The following TIMM17A variants were observed in gnomAD, a reference collection of about 807,000 sequenced individuals.
TIMM17A encodes the protein translocase of inner mitochondrial membrane 17A.
A neutral mutation model predicts 26.5 loss-of-function variants in TIMM17A; 15 were observed. The ratio of observed to expected loss-of-function variants is 0.57; its 90% CI spans 0.38 to 0.87. TIMM17A has a LOEUF of 0.87. TIMM17A is among the 40% of genes least tolerant of loss of function. The probability of loss-of-function intolerance (pLI) is 0.00; values close to 1 mark genes in which losing one functional copy is unlikely to be tolerated. For missense variants in TIMM17A, 201 were observed against 210.0 expected, an observed-to-expected ratio of 0.96 and a Z score of 0.27; for synonymous variants, 80 against 70.8, an observed-to-expected ratio of 1.13 and a Z score of -0.66.
intron 4 of TIMM17A, 50 bp from the exon 5 acceptor site, chr1:201,965,383 G>A (rs763056692): frequency 3.8e-6 from 5 of 1,309,008 alleles, no homozygotes; most frequent in South Asian, 2.4e-5. Context: ...ATCTCTTACA[G>A]TAAACTAGAT....
chr1:201,961,676 G>C (rs747450097), intron 3 of TIMM17A, among the ~76,000 whole-genome samples: 76 of 151,996 alleles, frequency 5.0e-4, no homozygotes, highest in Middle Eastern at 3.2e-3. Context: ...TAGAGAGAAT[G>C]CCTCTCTACA....
At chr1:201,957,682 G>C in intron 3 of TIMM17A, 108 bp downstream of exon 3, 3 of 928,346 alleles carry the variant, frequency 3.2e-6, no homozygotes, top group Non-Finnish European at 5.0e-6. Context: ...TTGGTCTAAC[G>C]GTTTGTCACA....
chr1:201,960,399 C>CAA (rs113195075), intron 3 of TIMM17A, among the ~76,000 whole-genome samples: 13 of 138,638 alleles, frequency 9.4e-5, no homozygotes, highest in African/African-American at 2.9e-4. Flanking sequence ...GACTCTGTCT[C>CAA]AAAAAAAAAA....
At chr1:201,963,852 A>G in intron 4 of TIMM17A, 108 bp downstream of exon 4, 1 of 1,226,148 alleles carries the variant, frequency 8.2e-7, no homozygotes, top group Non-Finnish European at 1.1e-6. Flanking sequence ...TTGACCAGGC[A>G]CATTGGCTCA....
rs1558252688 is a variant in TIMM17A, at chr1:201,969,522, T to C, written c.484T>C (p.Ser162Pro). Residue 162 changes from serine (S) to proline (P), a missense_variant, in exon 6 of 6, where the codon TCA (serine) becomes CCA (proline). Coordinates refer to ENST00000367287, the MANE Select transcript of TIMM17A (RefSeq NM_006335.3). Reference sequence around the variant, plus strand: ...GTTGCCTTCAACTCAGTTACCTTCCTCACCTTTTGGAGACTATCGACAATA... The same window carrying C: ...GTTGCCTTCAACTCAGTTACCTTCCCCACCTTTTGGAGACTATCGACAATA... ...SQLPSTQLPS[S>P]PFGDYRQYQ 1 of 1,614,080 alleles carries C rather than the reference T, an allele frequency of 6.2e-7. No individual in the cohort carries two copies.
chr1:201,959,977 G>A (rs979475270), intron 3 of TIMM17A, among the ~76,000 whole-genome samples: 1 of 151,306 alleles, frequency 6.6e-6, no homozygotes, highest in African/African-American at 2.4e-5. Flanking sequence ...CTCCAGCCAG[G>A]GTGACAGCGA....
intron 3 of TIMM17A, among the ~76,000 whole-genome samples, chr1:201,960,245 C>T (rs1412533019): frequency 1.3e-5 from 2 of 151,962 alleles, no homozygotes; most frequent in Non-Finnish European, 2.9e-5. Flanking sequence ...ACTAAAAATA[C>T]ACCAATTAGC....
At position 201,962,853 on chromosome 1, in the gene TIMM17A, T is replaced by C. The variant is rs1208820952; in HGVS notation, c.191-763T>C. On this transcript the variant is annotated intron_variant, in intron 3 of 5. Transcript: ENST00000367287. ...ACGTTCCAGAATAGCTGGATTTCTT[T>C]TGTTTTCCCATCGGTGATTTTCATA... is the stretch of plus-strand genomic sequence containing the variant. 2.0e-5 allele frequency: 3 copies of C among 152,234 alleles called. No homozygotes were observed. The East Asian group carries it at 5.8e-4, about 29-fold the overall frequency. The allele number at this position is 152,234 out of a possible 1,614,324, so 9.4% of individuals were successfully genotyped here.
At chr1:201,968,176 AT>A (rs1682670387) in intron 5 of TIMM17A, among the ~76,000 whole-genome samples, 3 of 147,598 alleles carry the variant, frequency 2.0e-5, no homozygotes, top group Middle Eastern at 3.4e-3. Flanking sequence ...TTTTTTTTGT[AT>A]TTTTTAGTAG....
chr1:201,958,753 C>T (rs968468673), intron 3 of TIMM17A, among the ~76,000 whole-genome samples: 1 of 152,162 alleles, frequency 6.6e-6, no homozygotes, highest in African/African-American at 2.4e-5. Flanking sequence ...GTATATAAGA[C>T]ATGAAAAAAT....
In TIMM17A at chr1:201,970,253, CA is replaced by C. The variant is rs1193858080; in HGVS notation, c.*701del. 1.3e-5 allele frequency: 2 copies of C among 152,174 alleles called. No homozygotes were observed. The highest frequency in any genetic ancestry group is 2.9e-5 in the Non-Finnish European group (2 of 68,046). The allele number at this position is 152,174 out of a possible 1,614,324, so 9.4% of individuals were successfully genotyped here. On this transcript the variant is annotated 3_prime_UTR_variant, in exon 6 of 6. Coordinates refer to ENST00000367287, the MANE Select transcript of TIMM17A (RefSeq NM_006335.3). ...AGAAACAACTTGCTTCCAATATACC[CA>C]ATTCTATATGAAGAATTCATGGAGA...
intron 3 of TIMM17A, among the ~76,000 whole-genome samples, chr1:201,960,675 A>C (rs1490630089): frequency 6.6e-6 from 1 of 152,102 alleles, no homozygotes; most frequent in Non-Finnish European, 1.5e-5. Context: ...TTTGGTGAGC[A>C]TTTGCTAAGG....
At chr1:201,964,635 C>CTTTTTTTTTTTATTTTTTTTTT (rs1682591151) in intron 4 of TIMM17A, among the ~76,000 whole-genome samples, 1 of 90,954 alleles carries the variant, frequency 1.1e-5, no homozygotes, top group African/African-American at 5.1e-5. Context: ...TATTTTATTT[C>CTTTTTTTTTTTATTTTTTTTTT]TTTTTTTTTT....
chr1:201,955,622 G>C, intron 1 of TIMM17A, 70 bp downstream of exon 1: 1 of 1,604,312 alleles, frequency 6.2e-7, no homozygotes. Context: ...CCTTGTCCAG[G>C]CTCCCAAGGT....
chr1:201,959,624 A>G (rs1558249832), intron 3 of TIMM17A, among the ~76,000 whole-genome samples: 2 of 152,302 alleles, frequency 1.3e-5, no homozygotes, highest in South Asian at 4.1e-4. Flanking sequence ...ATTGGACTCC[A>G]GCTTGGGTGA....
At position 201,955,525 on chromosome 1, in the gene TIMM17A, A is replaced by G; in HGVS notation, c.-2A>G. ...GGCATCACTCGCGGCATTGGAGTCA[A>G]GATGGAGGAGTACGCGCGAGAGCCT... On this transcript the variant is annotated 5_prime_UTR_variant, in exon 1 of 6. Transcript: ENST00000367287. The G allele has an allele frequency of 6.2e-7, 1 of 1,614,256 alleles. No individual in the cohort carries two copies. Among genetic ancestry groups the G allele is most frequent in the Non-Finnish European group, 8.5e-7 (1 of 1,180,056 alleles).
chr1:201,969,715 G>C lies in TIMM17A; in HGVS notation c.*161G>C. 1.9e-6 allele frequency: 1 copy of C among 536,216 alleles called. No homozygotes were observed. The highest frequency in any genetic ancestry group is 3.3e-6 in the Non-Finnish European group (1 of 301,902). The allele number at this position is 536,216 out of a possible 1,614,324, so 33.2% of individuals were successfully genotyped here. ...TTTTTTCTATTTAAAGGAACAAGCG[G>C]GGAAGGGTGCTAAAAGATAATACGT... On this transcript the variant is annotated 3_prime_UTR_variant, in exon 6 of 6. Coordinates refer to ENST00000367287, the MANE Select transcript of TIMM17A (RefSeq NM_006335.3).
At position 201,969,649 on chromosome 1, in the gene TIMM17A, G is replaced by A; in HGVS notation, c.*95G>A. 9.8e-7 allele frequency: 1 copy of A among 1,017,158 alleles called. No homozygotes were observed. The highest frequency in any genetic ancestry group is 1.5e-6 in the Non-Finnish European group (1 of 650,528). The allele number at this position is 1,017,158 out of a possible 1,614,324, so 63.0% of individuals were successfully genotyped here. On this transcript the variant is annotated 3_prime_UTR_variant, in exon 6 of 6. Coordinates refer to ENST00000367287, the MANE Select transcript of TIMM17A (RefSeq NM_006335.3). ...CAGTCTGTTTTTAAAACCATAGGTGGGACAGCTATGGCCAATAGGCTATAA... is the reference window on the plus strand; with the variant it reads ...CAGTCTGTTTTTAAAACCATAGGTGAGACAGCTATGGCCAATAGGCTATAA...
chr1:201,965,613 A>G, intron 5 of TIMM17A, 70 bp downstream of exon 5: 1 of 996,142 alleles, frequency 1.0e-6, no homozygotes, highest in South Asian at 1.3e-5. Flanking sequence ...GAAAGAACAT[A>G]CTTTGTGTGA....
Sources: gnomAD v4.1 joint callset for allele counts (sites outside exome capture counted in the v4.1 genomes callset) on GRCh38, gnomAD v4.1.1 for gene constraint, MANE v1.5 for transcripts, NCBI Gene and HGNC (gene_info 2026-07-23, HGNC 2026-07-21) for gene names.